The following GALNT17 variants were observed in gnomAD, a reference collection of about 807,000 sequenced individuals.
GALNT17 encodes UDP-GalNAc:polypeptide N-acetylgalactosaminyltransferase-like 3.
GALNT17 carries 29 observed loss-of-function variants against 63.7 expected under a neutral mutation model. The observed-to-expected ratio is 0.46, with a 90% CI of 0.34 to 0.62. The LOEUF (loss-of-function observed/expected upper bound fraction) is 0.62. GALNT17 is among the 20% of genes least tolerant of loss of function. The pLI, the probability that GALNT17 is intolerant of heterozygous loss-of-function variation, is 0.01. For missense variants in GALNT17, 603 were observed against 799.6 expected, an observed-to-expected ratio of 0.75 and a Z score of 2.97; for synonymous variants, 305 against 318.3, an observed-to-expected ratio of 0.96 and a Z score of 0.45.
At chr7:71,349,723 T>C (rs992121476) in intron 2 of GALNT17, among the ~76,000 whole-genome samples, 4 of 152,190 alleles carry the variant, frequency 2.6e-5, no homozygotes, top group Non-Finnish European at 5.9e-5. Context: ...CGTGCCCCAA[T>C]GATGAAGCAA....
chr7:71,412,031 T>G (rs986702530), intron 3 of GALNT17, among the ~76,000 whole-genome samples: 15 of 152,238 alleles, frequency 9.9e-5, no homozygotes, highest in African/African-American at 3.4e-4. Context: ...GATGATGCTC[T>G]TGGGCTCTCA....
chr7:71,540,180 C>T (rs1370007358), intron 5 of GALNT17, among the ~76,000 whole-genome samples: 39 of 126,936 alleles, frequency 3.1e-4, no homozygotes, highest in Middle Eastern at 5.0e-3. Flanking sequence ...GGGATCTTGG[C>T]TCACTGCAAC....
At chr7:71,657,701 T>C (rs59399850) in intron 6 of GALNT17, among the ~76,000 whole-genome samples, 4,254 of 152,316 alleles carry the variant, frequency 0.028, 176 homozygotes, top group African/African-American at 0.09. Context: ...TTAGAAGCCT[T>C]CTAAGCTGGT....
intron 1 of GALNT17, among the ~76,000 whole-genome samples, chr7:71,212,412 C>T (rs1789398204): frequency 6.6e-6 from 1 of 152,220 alleles, no homozygotes; most frequent in Non-Finnish European, 1.5e-5. Flanking sequence ...GGGTGGGGCC[C>T]TCATGGAGAA....
At chr7:71,246,440 T>G (rs1790099365) in intron 1 of GALNT17, among the ~76,000 whole-genome samples, 1 of 151,742 alleles carries the variant, frequency 6.6e-6, no homozygotes, top group Non-Finnish European at 1.5e-5. Flanking sequence ...GCTTTTAATA[T>G]TAAGAATTTG....
intron 6 of GALNT17, among the ~76,000 whole-genome samples, chr7:71,622,038 T>C (rs1338201076): frequency 6.6e-6 from 1 of 152,214 alleles, no homozygotes; most frequent in African/African-American, 2.4e-5. Context: ...CCAACTCCTT[T>C]GCTGTGAGAG....
At chr7:71,135,668 C>CT (rs1172072232) in intron 1 of GALNT17, among the ~76,000 whole-genome samples, 1 of 152,240 alleles carries the variant, frequency 6.6e-6, no homozygotes, top group Non-Finnish European at 1.5e-5. Context: ...ATTTGCCTCT[C>CT]TAACAAACTT....
In GALNT17 at chr7:71,628,468, G is replaced by A. The variant is rs564865876; in HGVS notation, c.1081-36943G>A. On this transcript the variant is annotated intron_variant, in intron 6 of 10. Coordinates refer to ENST00000333538, the MANE Select transcript of GALNT17 (RefSeq NM_022479.3). ...CTCCCGAGTAACTGGGATTACAGGCGTGTACCACCACGCCCAGCTAATTTT... is the reference window on the plus strand; with the variant it reads ...CTCCCGAGTAACTGGGATTACAGGCATGTACCACCACGCCCAGCTAATTTT... Among the ~76,000 whole-genome samples, 12 of 152,094 alleles carry A rather than the reference G, an allele frequency of 7.9e-5. No homozygotes were observed. In the South Asian group the frequency reaches 1.0e-3, roughly 13 times the overall value.
At chr7:71,630,388 C>T (rs1380082467) in intron 6 of GALNT17, among the ~76,000 whole-genome samples, 1 of 152,190 alleles carries the variant, frequency 6.6e-6, no homozygotes, top group Non-Finnish European at 1.5e-5. Context: ...CAGCATTGCC[C>T]TAACACACCC....
chr7:71,314,268 T>C (rs1791462361), intron 1 of GALNT17, among the ~76,000 whole-genome samples: 1 of 152,176 alleles, frequency 6.6e-6, no homozygotes, highest in Non-Finnish European at 1.5e-5. Context: ...TGTGTGTGTG[T>C]GTGTCCGTGT....
At position 71,132,915 on chromosome 7, in the gene GALNT17, C is replaced by A. The variant is rs1336257538; in HGVS notation, c.113C>A (p.Ala38Asp). 1.9e-6 allele frequency: 3 copies of A among 1,612,306 alleles called. No homozygotes were observed. The African/African-American group carries it at 4.0e-5, about 22-fold the overall frequency. ...CCCATCGCGGTGCGCAGCGGAGACG[C>A]CTTCCACGAGATCCGGCCGCGCGCC... ...CRPIAVRSGD[A>D]FHEIRPRAEV... The change falls in exon 1 of 11, where the codon GCC becomes GAC. Residue 38 changes from alanine (A) to aspartate (D), a missense_variant. Transcript: ENST00000333538.
At chr7:71,433,510 T>C (rs925733833) in intron 5 of GALNT17, among the ~76,000 whole-genome samples, 9 of 152,236 alleles carry the variant, frequency 5.9e-5, no homozygotes, top group South Asian at 2.1e-4. Context: ...AGGTGAATTA[T>C]GTGGTCCGTG....
chr7:71,631,057 A>G (rs762194394), intron 6 of GALNT17, among the ~76,000 whole-genome samples: 1 of 152,232 alleles, frequency 6.6e-6, no homozygotes, highest in Non-Finnish European at 1.5e-5. Flanking sequence ...GTTGCAGTGG[A>G]CAATGAGCAA....
At chr7:71,536,024 A>G (rs1788797001) in intron 5 of GALNT17, among the ~76,000 whole-genome samples, 1 of 152,226 alleles carries the variant, frequency 6.6e-6, no homozygotes, top group African/African-American at 2.4e-5. Flanking sequence ...ATAAAAATCA[A>G]TGAATTCAGC....
At chr7:71,345,750 G>A (rs1025194979) in intron 2 of GALNT17, among the ~76,000 whole-genome samples, 3 of 152,136 alleles carry the variant, frequency 2.0e-5, no homozygotes, top group Admixed American at 6.6e-5. Context: ...CCCAACTCAA[G>A]TTTCCCTCCG....
intron 6 of GALNT17, among the ~76,000 whole-genome samples, chr7:71,579,889 G>T (rs1463653334): frequency 6.6e-6 from 1 of 152,108 alleles, no homozygotes; most frequent in African/African-American, 2.4e-5. Context: ...GGGAGAGACA[G>T]AGACATGATA....
At chr7:71,491,645 G>C (rs1788011078) in intron 5 of GALNT17, among the ~76,000 whole-genome samples, 1 of 152,108 alleles carries the variant, frequency 6.6e-6, no homozygotes, top group Non-Finnish European at 1.5e-5. Flanking sequence ...AAGAGAATTT[G>C]GATCTAAACC....
chr7:71,255,799 C>T (rs1379112721), intron 1 of GALNT17, among the ~76,000 whole-genome samples: 2 of 152,012 alleles, frequency 1.3e-5, no homozygotes, highest in Non-Finnish European at 2.9e-5. Context: ...AGTGGCTGGC[C>T]GAGAGACTAG....
At chr7:71,396,376 A>G (rs1007937991) in intron 3 of GALNT17, among the ~76,000 whole-genome samples, 2 of 152,016 alleles carry the variant, frequency 1.3e-5, no homozygotes, top group South Asian at 4.1e-4. Context: ...CAAGAGTCCA[A>G]TTTTTCCTCA....
Sources: gnomAD v4.1 joint callset for allele counts (sites outside exome capture counted in the v4.1 genomes callset) on GRCh38, gnomAD v4.1.1 for gene constraint, MANE v1.5 for transcripts, NCBI Gene and HGNC (gene_info 2026-07-23, HGNC 2026-07-21) for gene names.